The following DENND1B variants were observed in gnomAD, a reference collection of about 807,000 sequenced individuals.
DENND1B encodes DENN domain containing 1B.
Under a neutral mutation model 90.1 loss-of-function variants are expected in DENND1B, and 59 were observed. The observed-to-expected ratio is 0.65, with a 90% CI of 0.53 to 0.81. DENND1B has a LOEUF of 0.81. Among genes scored for constraint, DENND1B ranks in the 40% least tolerant of loss-of-function variants. DENND1B has a pLI of 0.00. For missense variants in DENND1B, 862 were observed against 912.6 expected (o/e 0.94, Z 0.71); for synonymous variants, 337 against 324.6 (o/e 1.04, Z -0.41).
At chr1:197,752,881 A>T (rs1379435526) in intron 2 of DENND1B, among the ~76,000 whole-genome samples, 1 of 151,876 alleles carries the variant, frequency 6.6e-6, no homozygotes, top group South Asian at 2.1e-4. Flanking sequence ...GAGAACATGC[A>T]GTGTTTGGTT....
intron 3 of DENND1B, among the ~76,000 whole-genome samples, chr1:197,684,394 A>T (rs941286544): frequency 5.3e-5 from 8 of 152,212 alleles, no homozygotes; most frequent in African/African-American, 1.7e-4. Context: ...ATTTTTTTAC[A>T]TTGTTTTCAT....
chr1:197,617,691 TG>T lies in DENND1B; in HGVS notation c.740del (p.Pro247GlnfsTer18). The T allele has an allele frequency of 6.2e-7, 1 of 1,607,682 alleles. No individual in the cohort carries two copies. The highest frequency in any genetic ancestry group is 8.5e-7 in the Non-Finnish European group (1 of 1,175,562). ...AGTCCAGCAGGTGTGGAGGAAGCAC[TG>T]GGATGTATATGTGTTGCCAATACAT... ...YPMYWQHIYI[P>X]VLPPHLLDYC... On this transcript the variant is annotated frameshift_variant, in exon 11 of 23. Coordinates refer to ENST00000620048, the MANE Select transcript of DENND1B (RefSeq NM_001195215.2). LOFTEE classifies it high-confidence loss of function.
chr1:197,762,444 CTG>C (rs1655195820), intron 2 of DENND1B, among the ~76,000 whole-genome samples: 1 of 152,066 alleles, frequency 6.6e-6, no homozygotes, highest in South Asian at 2.1e-4. Context: ...TAAAATTGTA[CTG>C]TGTTTATTTG....
intron 2 of DENND1B, among the ~76,000 whole-genome samples, chr1:197,771,332 C>T (rs924699263): frequency 2.4e-4 from 36 of 152,168 alleles, no homozygotes; most frequent in Admixed American, 1.5e-3. Flanking sequence ...GAGCTGAAAA[C>T]ATAATGTATC....
chr1:197,536,427 C>T (rs557124452), intron 20 of DENND1B, among the ~76,000 whole-genome samples: 11 of 152,110 alleles, frequency 7.2e-5, no homozygotes, highest in South Asian at 6.2e-4. Context: ...TAAACGTACC[C>T]GCTCTGCTTT....
intron 2 of DENND1B, among the ~76,000 whole-genome samples, chr1:197,724,080 A>C (rs1661420868): frequency 6.6e-6 from 1 of 152,132 alleles, no homozygotes; most frequent in Admixed American, 6.5e-5. Flanking sequence ...GCTTGATATA[A>C]AGATGGTCTG....
intron 10 of DENND1B, among the ~76,000 whole-genome samples, chr1:197,628,469 C>T (rs1276811348): frequency 1.3e-5 from 2 of 152,108 alleles, no homozygotes; most frequent in African/African-American, 4.8e-5. Context: ...AACTGGCTAG[C>T]CATATGTAGA....
At chr1:197,697,253 T>C (rs953924783) in intron 3 of DENND1B, among the ~76,000 whole-genome samples, 2 of 150,248 alleles carry the variant, frequency 1.3e-5, no homozygotes, top group African/African-American at 2.5e-5. Flanking sequence ...TAGCAGGGGA[T>C]TTTTTTTTAT....
In DENND1B at chr1:197,660,902, T is replaced by G. The variant is rs144003550; in HGVS notation, c.297-2533A>C. On this transcript the variant is annotated intron_variant, in intron 5 of 22. Coordinates refer to ENST00000620048, the MANE Select transcript of DENND1B (RefSeq NM_001195215.2). ...AGATGAAAAAGAAGGAATACACGGATGTAGGAGGCAAGAAATCTAAGACCA... is the reference window on the plus strand; with the variant it reads ...AGATGAAAAAGAAGGAATACACGGAGGTAGGAGGCAAGAAATCTAAGACCA... Among the ~76,000 whole-genome samples the G allele has an allele frequency of 3.4e-3, 519 of 152,048 alleles. 5 individuals are homozygous for G. Among genetic ancestry groups the G allele is most frequent in the African/African-American group, 0.012 (507 of 41,508 alleles).
In DENND1B at chr1:197,734,524, TA is replaced by T. The variant is rs1158603866; in HGVS notation, c.83-19451del. 4 of 972,566 alleles carry T rather than the reference TA, an allele frequency of 4.1e-6. No homozygotes were observed. The East Asian group carries it at 4.6e-4, about 111-fold the overall frequency. The allele number at this position is 972,566 out of a possible 1,614,324, so 60.2% of individuals were successfully genotyped here. A position where few individuals can be genotyped will look rare whatever the true frequency, so the allele number is the denominator to read the frequency against. ...GCTCATATTGAAATCTAAAAAGGAA[TA>T]CACAAAAATAGATGTTTTGTGTTAT... On this transcript the variant is annotated intron_variant, in intron 2 of 22. Transcript: ENST00000620048.
chr1:197,735,484 T>C (rs1012784773), intron 2 of DENND1B: 2 of 1,563,362 alleles, frequency 1.3e-6, no homozygotes, highest in Non-Finnish European at 8.7e-7. Flanking sequence ...GAAGAAGTGA[T>C]CTAAAGTTTT....
rs1654704106 is a variant in DENND1B, at chr1:197,664,141, T to C, written c.297-5772A>G. ...TCTTAGGGAATTTTCAAACGATACA[T>C]GCTCAAAGCAACTAATTTTAAACTG... On this transcript the variant is annotated intron_variant, in intron 5 of 22. Transcript: ENST00000620048. Among the ~76,000 whole-genome samples the C allele has an allele frequency of 2.0e-5, 3 of 152,150 alleles. No individual in the cohort carries two copies. The South Asian group carries it at 6.2e-4, about 32-fold the overall frequency.
chr1:197,582,528 A>G (rs1674332543), intron 15 of DENND1B, among the ~76,000 whole-genome samples: 1 of 152,212 alleles, frequency 6.6e-6, no homozygotes, highest in Non-Finnish European at 1.5e-5. Context: ...ACAGAAACTA[A>G]GACAACCCAA....
At chr1:197,542,901 C>G (rs1403948799) in intron 18 of DENND1B, among the ~76,000 whole-genome samples, 1 of 150,596 alleles carries the variant, frequency 6.6e-6, no homozygotes, top group East Asian at 2.0e-4. Context: ...GAACAATCCT[C>G]CAGAGTAGAA....
intron 2 of DENND1B, among the ~76,000 whole-genome samples, chr1:197,763,850 CT>C (rs1250354051): frequency 1.3e-5 from 2 of 152,188 alleles, no homozygotes; most frequent in Non-Finnish European, 1.5e-5. Context: ...CTTTACTACT[CT>C]TACAATTATT....
chr1:197,544,892 G>GA (rs1670631259), intron 18 of DENND1B, among the ~76,000 whole-genome samples: 1 of 105,794 alleles, frequency 9.5e-6, no homozygotes, highest in South Asian at 2.9e-4. Flanking sequence ...GGAAGAGGAA[G>GA]AAGAAGAAGA....
At chr1:197,733,790 A>T (rs1662374586) in intron 2 of DENND1B, among the ~76,000 whole-genome samples, 1 of 152,220 alleles carries the variant, frequency 6.6e-6, no homozygotes, top group South Asian at 2.1e-4. Context: ...CCATACGGTA[A>T]AACTTTCTAT....
At position 197,505,206 on chromosome 1, in the gene DENND1B, C is replaced by A. The variant is rs1323639580; in HGVS notation, c.*5254G>T. The A allele has an allele frequency of 6.6e-6, 1 of 151,620 alleles. No homozygotes were observed. The highest frequency in any genetic ancestry group is 1.5e-5 in the Non-Finnish European group (1 of 67,746). The allele number at this position is 151,620 out of a possible 1,614,324, so 9.4% of individuals were successfully genotyped here. A position where few individuals can be genotyped will look rare whatever the true frequency, so the allele number is the denominator to read the frequency against. On this transcript the variant is annotated 3_prime_UTR_variant, in exon 23 of 23. Coordinates refer to ENST00000620048, the MANE Select transcript of DENND1B (RefSeq NM_001195215.2). ...AACAGACTCAAGAAATCCACTTTTT[C>A]AAATATGATTATTAAATGGCTCTCA...
At chr1:197,628,261 C>A (rs1335302981) in intron 10 of DENND1B, among the ~76,000 whole-genome samples, 3 of 152,144 alleles carry the variant, frequency 2.0e-5, no homozygotes, top group African/African-American at 4.8e-5. Context: ...CATCATGCTA[C>A]CTGACTTCAA....
Sources: gnomAD v4.1 joint callset for allele counts (sites outside exome capture counted in the v4.1 genomes callset) on GRCh38, gnomAD v4.1.1 for gene constraint, MANE v1.5 for transcripts, NCBI Gene and HGNC (gene_info 2026-07-23, HGNC 2026-07-21) for gene names.